Variants in PPFIA2 observed in about 807,000 individuals in gnomAD.
PPFIA2 encodes the protein PPFI scaffold protein A2, also known as liprin-alpha-2.
Under a neutral mutation model 175.5 loss-of-function variants are expected in PPFIA2, and 46 were observed. That is an observed-to-expected ratio of 0.26 (90% CI 0.21 to 0.34). The LOEUF is 0.34. Ranked by LOEUF, PPFIA2 falls within the 10% of genes least tolerant of loss-of-function variation. The probability of loss-of-function intolerance (pLI) is 1.00; values close to 1 mark genes in which losing one functional copy is unlikely to be tolerated. For missense variants in PPFIA2, 1,179 were observed against 1,506.1 expected, an observed-to-expected ratio of 0.78 and a Z score of 3.60; for synonymous variants, 568 against 511.4, an observed-to-expected ratio of 1.11 and a Z score of -1.49.
In PPFIA2 at chr12:81,685,226, A is replaced by T. The variant is rs768041540; in HGVS notation, c.250-8382T>A. On this transcript the variant is annotated intron_variant, in intron 3 of 32. Coordinates refer to ENST00000549396, the MANE Select transcript of PPFIA2 (RefSeq NM_003625.5). ...TCACCGAATACCAGCTCCTTAAGGC[A>T]AGCATCCAAATAATGAAGCTGAGTT... Among the ~76,000 whole-genome samples, 54 of 152,074 alleles carry T rather than the reference A, an allele frequency of 3.6e-4. 1 individual carries two copies. Among genetic ancestry groups the T allele is most frequent in the Admixed American group, 7.2e-4 (11 of 15,248 alleles).
chr12:81,734,743 T>G (rs774158825), intron 3 of PPFIA2, among the ~76,000 whole-genome samples: 2 of 151,816 alleles, frequency 1.3e-5, no homozygotes, highest in Non-Finnish European at 2.9e-5. Flanking sequence ...GCTATGATTT[T>G]AATAAATGTA....
intron 22 of PPFIA2, among the ~76,000 whole-genome samples, chr12:81,318,308 C>A (rs541659057): frequency 6.6e-6 from 1 of 151,620 alleles, no homozygotes; most frequent in Non-Finnish European, 1.5e-5. Context: ...GTAAATGCAT[C>A]GAATTTTGAC....
Position 81,318,564 on chromosome 12 carries a change from T to C in PPFIA2, c.2642+7213A>G, listed in dbSNP as rs898322039. Among the ~76,000 whole-genome samples, 7 of 151,840 alleles carry C rather than the reference T, an allele frequency of 4.6e-5. No homozygotes were observed. The South Asian group carries it at 1.5e-3, about 31-fold the overall frequency. Reference sequence around the variant, plus strand: ...ATCATCCTTAAGTATATTCTTTATCTAAAAACTGAGCTATGCCTTCTAGCT... The same window carrying C: ...ATCATCCTTAAGTATATTCTTTATCCAAAAACTGAGCTATGCCTTCTAGCT... On this transcript the variant is annotated intron_variant, in intron 22 of 32. Transcript: ENST00000549396.
intron 4 of PPFIA2, among the ~76,000 whole-genome samples, chr12:81,656,805 T>C (rs1288605956): frequency 1.8e-4 from 27 of 151,778 alleles, no homozygotes. Context: ...CTCCTCTTCC[T>C]ATAATACTTA....
chr12:81,359,459 C>A (rs1187443615), intron 15 of PPFIA2, among the ~76,000 whole-genome samples: 1 of 150,500 alleles, frequency 6.6e-6, no homozygotes, highest in Non-Finnish European at 1.5e-5. Flanking sequence ...AAAAAAAAAA[C>A]AACTAGGCCA....
chr12:81,271,389 C>T (rs1336585550), intron 28 of PPFIA2, among the ~76,000 whole-genome samples: 1 of 151,970 alleles, frequency 6.6e-6, no homozygotes, highest in Non-Finnish European at 1.5e-5. Flanking sequence ...TCCTGCCTCA[C>T]CCTCCCAAGT....
At chr12:81,327,074 T>G (rs182337089) in intron 21 of PPFIA2, among the ~76,000 whole-genome samples, 1,827 of 152,230 alleles carry the variant, frequency 0.012, 19 homozygotes, top group Middle Eastern at 0.024. Context: ...TTTAATACTT[T>G]ATTTTACCAA....
At chr12:81,467,232 C>T (rs960121121) in intron 4 of PPFIA2, among the ~76,000 whole-genome samples, 3 of 152,022 alleles carry the variant, frequency 2.0e-5, no homozygotes, top group African/African-American at 7.2e-5. Context: ...TCTTACTGTA[C>T]CCCTCTGTTC....
chr12:81,457,631 AG>A (rs1703290607), intron 5 of PPFIA2, 133 bp downstream of exon 5: 1 of 518,966 alleles, frequency 1.9e-6, no homozygotes, highest in East Asian at 3.2e-5. Flanking sequence ...CTTTACTTTA[AG>A]TAACTGAGTT....
At chr12:81,643,832 T>C (rs1481842732) in intron 4 of PPFIA2, among the ~76,000 whole-genome samples, 2 of 152,046 alleles carry the variant, frequency 1.3e-5, no homozygotes, top group Non-Finnish European at 2.9e-5. Context: ...TAATTTGGCA[T>C]TCTAAAGCAT....
At chr12:81,488,866 CAAT>C (rs1227448331) in intron 4 of PPFIA2, among the ~76,000 whole-genome samples, 1 of 151,716 alleles carries the variant, frequency 6.6e-6, no homozygotes, top group Non-Finnish European at 1.5e-5. Flanking sequence ...CTTCTCACAA[CAAT>C]GTTTCTGAAA....
Position 81,277,426 on chromosome 12 carries a change from A to G in PPFIA2, c.3213-12T>C, listed in dbSNP as rs527318000. On this transcript the variant is annotated splice_polypyrimidine_tract_variant and intron_variant, in intron 27 of 32. Coordinates refer to ENST00000549396, the MANE Select transcript of PPFIA2 (RefSeq NM_003625.5). ...ATTGTAAACTTGTTCTTTTTTTTTT[A>G]TTAAAAAAAAAAAAACACAGTGAGT... 7.6e-6 allele frequency: 11 copies of G among 1,456,168 alleles called. No individual in the cohort carries two copies. The East Asian group carries it at 2.3e-4, about 30-fold the overall frequency. The allele number at this position is 1,456,168 out of a possible 1,614,324, so 90.2% of individuals were successfully genotyped here.
chr12:81,268,340 G>A (rs1378883093), intron 28 of PPFIA2, among the ~76,000 whole-genome samples: 1 of 151,038 alleles, frequency 6.6e-6, no homozygotes, highest in African/African-American at 2.4e-5. Flanking sequence ...GGGTTTCACC[G>A]TTTTAGCCGG....
At chr12:81,407,772 A>C (rs188781917) in intron 7 of PPFIA2, among the ~76,000 whole-genome samples, 19 of 152,102 alleles carry the variant, frequency 1.2e-4, no homozygotes, top group Admixed American at 1.2e-3. Flanking sequence ...AAAACAGTTG[A>C]GATACAACTC....
rs534044372 is a variant in PPFIA2, at chr12:81,488,274, G to C, written c.304-30408C>G. Among the ~76,000 whole-genome samples the C allele has an allele frequency of 3.8e-3, 575 of 151,842 alleles. 3 individuals are homozygous for C. Among genetic ancestry groups the C allele is most frequent in the African/African-American group, 0.013 (538 of 41,478 alleles). ...TGAACTCCGATTTTTATTGACAAGTGAGTAAAGTGTACTACGTTCTCATCT... is the reference window on the plus strand; with the variant it reads ...TGAACTCCGATTTTTATTGACAAGTCAGTAAAGTGTACTACGTTCTCATCT... On this transcript the variant is annotated intron_variant, in intron 4 of 32. Transcript: ENST00000549396.
intron 28 of PPFIA2, among the ~76,000 whole-genome samples, chr12:81,271,539 G>A (rs927267986): frequency 6.6e-6 from 1 of 152,192 alleles, no homozygotes. Flanking sequence ...AAAGTGCTGA[G>A]ATTATAGGCA....
chr12:81,517,489 A>G (rs1329027218), intron 4 of PPFIA2, among the ~76,000 whole-genome samples: 1 of 152,108 alleles, frequency 6.6e-6, no homozygotes, highest in Non-Finnish European at 1.5e-5. Flanking sequence ...AGGTGCCGAG[A>G]CCTCGGCTAA....
At chr12:81,502,060 C>G (rs1415854263) in intron 4 of PPFIA2, among the ~76,000 whole-genome samples, 1 of 152,116 alleles carries the variant, frequency 6.6e-6, no homozygotes, top group Non-Finnish European at 1.5e-5. Flanking sequence ...TTCACAGAAA[C>G]CATGCCCTGA....
At chr12:81,520,683 A>G (rs528477708) in intron 4 of PPFIA2, among the ~76,000 whole-genome samples, 1 of 152,326 alleles carries the variant, frequency 6.6e-6, no homozygotes, top group East Asian at 1.9e-4. Context: ...AAGGATAGGA[A>G]GTAGTCAGTT....
Sources: gnomAD v4.1 joint callset for allele counts (sites outside exome capture counted in the v4.1 genomes callset) on GRCh38, gnomAD v4.1.1 for gene constraint, MANE v1.5 for transcripts, NCBI Gene and HGNC (gene_info 2026-07-23, HGNC 2026-07-21) for gene names.